GNG7: variants seen among roughly 807,000 people sequenced by gnomAD.
GNG7 encodes guanine nucleotide-binding protein G(I)/G(S)/G(O) subunit gamma-7.
Under a neutral mutation model 4.0 loss-of-function variants are expected in GNG7, and 1 was observed. The ratio of observed to expected loss-of-function variants is 0.25; its 90% CI spans 0.09 to 1.18. The LOEUF is 1.18. GNG7 is among the 50% of genes most tolerant of loss of function. GNG7 has a pLI of 0.50. For missense variants in GNG7, 86 were observed against 91.9 expected (o/e 0.94, Z 0.26); for synonymous variants, 34 against 36.9 (o/e 0.92, Z 0.29).
chr19:2,538,650 G>C (rs777597791), intron 3 of GNG7: 1 of 445,554 alleles, frequency 2.2e-6, no homozygotes, highest in Non-Finnish European at 4.5e-6. Context: ...ACAATAGAAA[G>C]GCATGCATAT....
In GNG7 at chr19:2,514,986, A is replaced by AG; in HGVS notation, c.*35_*36insC. On this transcript the variant is annotated 3_prime_UTR_variant, in exon 5 of 5. Coordinates refer to ENST00000382159, the MANE Select transcript of GNG7 (RefSeq NM_052847.3). ...ACAGAGACAGAGAGAGAGAGAGAGAAAGAGAGAGAGAGAGAGAGAACATAT... is the reference window on the plus strand; with the variant it reads ...ACAGAGACAGAGAGAGAGAGAGAGAAGAGAGAGAGAGAGAGAGAGAACATAT... The AG allele has an allele frequency of 1.9e-6, 2 of 1,055,080 alleles. No homozygotes were observed. Among genetic ancestry groups the AG allele is most frequent in the Non-Finnish European group, 2.6e-6 (2 of 757,360 alleles). The allele number at this position is 1,055,080 out of a possible 1,614,324, so 65.4% of individuals were successfully genotyped here.
intron 2 of GNG7, among the ~76,000 whole-genome samples, chr19:2,613,550 G>A (rs1196874833): frequency 6.6e-6 from 1 of 152,196 alleles, no homozygotes; most frequent in East Asian, 1.9e-4. Flanking sequence ...GGATTTCAAT[G>A]TGTGCAGCCT....
rs569528301 is a variant in GNG7, at chr19:2,682,296, C to T, written c.-135+20350G>A. On this transcript the variant is annotated intron_variant, in intron 1 of 4. Coordinates refer to ENST00000382159, the MANE Select transcript of GNG7 (RefSeq NM_052847.3). The stretch of plus-strand genomic sequence containing the variant: ...CCGGAGTTTTACCTGGAAAAATGTG[C>T]AAGGAAACGTGGCTGGTTCCATCAC... Among the ~76,000 whole-genome samples the T allele has an allele frequency of 4.6e-5, 7 of 152,234 alleles. No homozygotes were observed. In the East Asian group the frequency reaches 1.2e-3, roughly 25 times the overall value.
chr19:2,536,190 G>C (rs1440502304), intron 3 of GNG7, among the ~76,000 whole-genome samples: 1 of 151,790 alleles, frequency 6.6e-6, no homozygotes, highest in African/African-American at 2.4e-5. Flanking sequence ...GGCCGAGGTG[G>C]GCGGATCACG....
In GNG7 at chr19:2,615,280, A is replaced by G. The variant is rs545765263; in HGVS notation, c.-78+30944T>C. ...AGGTTCCCACCATTCAGGCTCCCCC[A>G]GACCTCCGCCTCCAGGGAGCCCTCC... is the stretch of plus-strand genomic sequence containing the variant. On this transcript the variant is annotated intron_variant, in intron 2 of 4. Transcript: ENST00000382159. Among the ~76,000 whole-genome samples the G allele has an allele frequency of 8.7e-5, 13 of 149,396 alleles. No homozygotes were observed. In the South Asian group the frequency reaches 2.5e-3, roughly 29 times the overall value.
chr19:2,515,881 C>A (rs916733067), intron 4 of GNG7, among the ~76,000 whole-genome samples: 3 of 151,872 alleles, frequency 2.0e-5, no homozygotes, highest in African/African-American at 7.3e-5. Flanking sequence ...ATTGGATGCA[C>A]AGCATTGTGA....
chr19:2,547,098 A>C (rs1979155052), intron 3 of GNG7, among the ~76,000 whole-genome samples: 2 of 139,880 alleles, frequency 1.4e-5, no homozygotes, highest in Non-Finnish European at 1.5e-5. Context: ...AAACTCCTAC[A>C]CATCCTGCAA....
chr19:2,680,754 A>C (rs149080710), intron 1 of GNG7, among the ~76,000 whole-genome samples: 4,077 of 151,780 alleles, frequency 0.027, 176 homozygotes, highest in African/African-American at 0.093. Flanking sequence ...TTTGTATTTT[A>C]GTAGAGGCGG....
At chr19:2,565,312 C>A (rs1446761013) in intron 2 of GNG7, among the ~76,000 whole-genome samples, 1 of 152,040 alleles carries the variant, frequency 6.6e-6, no homozygotes, top group Non-Finnish European at 1.5e-5. Context: ...GAGATCGAGA[C>A]CAGCCTGGCC....
chr19:2,682,483 C>A (rs951908166), intron 1 of GNG7, among the ~76,000 whole-genome samples: 1 of 147,840 alleles, frequency 6.8e-6, no homozygotes, highest in Non-Finnish European at 1.5e-5. Flanking sequence ...GCCAACATAG[C>A]GAAACCCCGT....
chr19:2,637,917 C>G (rs1350170961), intron 2 of GNG7, among the ~76,000 whole-genome samples: 1 of 152,124 alleles, frequency 6.6e-6, no homozygotes, highest in East Asian at 1.9e-4. Flanking sequence ...ATGCTGAGGT[C>G]CCAGGAGGCT....
chr19:2,634,663 G>A lies in GNG7; in HGVS notation c.-78+11561C>T, dbSNP rs1410417705. On this transcript the variant is annotated intron_variant, in intron 2 of 4. Coordinates refer to ENST00000382159, the MANE Select transcript of GNG7 (RefSeq NM_052847.3). The surrounding 1 kb of genome is among the most constrained non-coding windows in gnomAD (Gnocchi z 5.3). ...CCTTCCGGGAGCAGAGCGTTTTCAG[G>A]CTCTGGCTGTATATCTTGGCAATTC... Among the ~76,000 whole-genome samples the A allele has an allele frequency of 6.6e-6, 1 of 152,146 alleles. No homozygotes were observed. The highest frequency in any genetic ancestry group is 2.4e-5 in the African/African-American group (1 of 41,412).
chr19:2,572,934 C>T (rs907401668), intron 2 of GNG7, among the ~76,000 whole-genome samples: 41 of 151,702 alleles, frequency 2.7e-4, no homozygotes, highest in African/African-American at 9.2e-4. Context: ...ATGGAAACCC[C>T]GTCCGCATTA....
chr19:2,587,630 G>A (rs930976889), intron 2 of GNG7, among the ~76,000 whole-genome samples: 6 of 152,002 alleles, frequency 3.9e-5, no homozygotes, highest in African/African-American at 1.5e-4. Flanking sequence ...TGAGTCACCC[G>A]GGCCTCATGC....
intron 1 of GNG7, among the ~76,000 whole-genome samples, chr19:2,654,313 G>A (rs1175528990): frequency 2.0e-5 from 3 of 150,016 alleles, no homozygotes; most frequent in African/African-American, 4.9e-5. Flanking sequence ...GACACGATCC[G>A]AAACAGCACG....
intron 3 of GNG7, among the ~76,000 whole-genome samples, chr19:2,521,245 G>A (rs1331394769): frequency 2.0e-5 from 3 of 151,400 alleles, no homozygotes; most frequent in East Asian, 3.9e-4. Flanking sequence ...CAGCCTGGAC[G>A]ACAGAGCAAG....
intron 1 of GNG7, among the ~76,000 whole-genome samples, chr19:2,682,721 C>T (rs897757030): frequency 3.3e-5 from 5 of 151,228 alleles, no homozygotes. Context: ...TGCCCCTGCT[C>T]CCACCCCATC....
chr19:2,550,027 G>T (rs917494007), intron 3 of GNG7, among the ~76,000 whole-genome samples: 9 of 152,240 alleles, frequency 5.9e-5, no homozygotes, highest in Admixed American at 1.3e-4. Context: ...CCCAGGAAGT[G>T]CCGAGGCCTC....
intron 3 of GNG7, among the ~76,000 whole-genome samples, chr19:2,548,897 A>G (rs1979222696): frequency 6.6e-6 from 1 of 152,170 alleles, no homozygotes; most frequent in Non-Finnish European, 1.5e-5. Flanking sequence ...GGTCGAAGGG[A>G]TGTTCCAGCC....
Sources: gnomAD v4.1 joint callset for allele counts (sites outside exome capture counted in the v4.1 genomes callset) on GRCh38, gnomAD v4.1.1 for gene constraint, Gnocchi (gnomAD v3.1) non-coding constraint, MANE v1.5 for transcripts, NCBI Gene and HGNC (gene_info 2026-07-23, HGNC 2026-07-21) for gene names.